Variants in MYEF2 observed in about 807,000 individuals in gnomAD.
The protein encoded by MYEF2 is myelin gene expression factor 2.
Under a neutral mutation model 75.2 loss-of-function variants are expected in MYEF2, and 37 were observed. The observed-to-expected ratio is 0.49, with a 90% CI of 0.38 to 0.65. The LOEUF is 0.65. Ranked by LOEUF, MYEF2 falls within the 30% of genes least tolerant of loss-of-function variation. MYEF2 has a pLI of 0.00. For missense variants in MYEF2, 634 were observed against 771.4 expected (o/e 0.82, Z 2.11); for synonymous variants, 195 against 241.6 (o/e 0.81, Z 1.79).
intron 1 of MYEF2, among the ~76,000 whole-genome samples, chr15:48,175,247 C>T (rs1214755441): frequency 6.6e-6 from 1 of 152,042 alleles, no homozygotes; most frequent in Non-Finnish European, 1.5e-5. Context: ...ATCTCACTTA[C>T]ACACAGACTT....
intron 10 of MYEF2, chr15:48,152,944 G>C (rs1379479457): frequency 6.7e-6 from 1 of 148,582 alleles, no homozygotes; most frequent in African/African-American, 2.6e-5. Context: ...GGTTCAATAG[G>C]TCAAAACTAT....
rs12914102 is a variant in MYEF2 at position 48,135,766 on chromosome 15, G to C, written c.*7142C>G. 2.0e-5 allele frequency: 3 copies of C among 151,858 alleles called. No individual in the cohort carries two copies. The highest frequency in any genetic ancestry group is 4.4e-5 in the Non-Finnish European group (3 of 67,974). The allele number at this position is 151,858 out of a possible 1,614,324, so 9.4% of individuals were successfully genotyped here. A position where few individuals can be genotyped will look rare whatever the true frequency, so the allele number is the denominator to read the frequency against. The stretch of plus-strand genomic sequence containing the variant: ...GAGAACCATAACCTTGCAGCACGGC[G>C]TAATACCTGCTATCAAGAAACTTAA... On this transcript the variant is annotated 3_prime_UTR_variant, in exon 17 of 17. Coordinates refer to ENST00000324324, the MANE Select transcript of MYEF2 (RefSeq NM_016132.5).
At chr15:48,159,900 G>A in intron 5 of MYEF2, 96 bp from the exon 6 acceptor site, 1 of 1,276,680 alleles carries the variant, frequency 7.8e-7, no homozygotes, top group South Asian at 1.4e-5. Context: ...TATCCTGTCT[G>A]GCTCAAATTA....
At chr15:48,152,950 A>C (rs1002625753) in intron 10 of MYEF2, 2 of 152,114 alleles carry the variant, frequency 1.3e-5, no homozygotes, top group Non-Finnish European at 2.9e-5. Flanking sequence ...ATAGGTCAAA[A>C]CTATTTAAGT....
chr15:48,136,734 G>T lies in MYEF2; in HGVS notation c.*6174C>A. 6.2e-7 allele frequency: 1 copy of T among 1,613,466 alleles called. No homozygotes were observed. Among genetic ancestry groups the T allele is most frequent in the South Asian group, 1.1e-5 (1 of 91,006 alleles). ...TATATGGATTGTATGTTTTGGTGCT[G>T]TGTTTTGACATTAAAATTAACCAAT... On this transcript the variant is annotated 3_prime_UTR_variant, in exon 17 of 17. Coordinates refer to ENST00000324324, the MANE Select transcript of MYEF2 (RefSeq NM_016132.5).
At chr15:48,177,964 C>G in intron 1 of MYEF2, 113 bp downstream of exon 1, 1 of 1,371,670 alleles carries the variant, frequency 7.3e-7, no homozygotes, top group Non-Finnish European at 9.8e-7. Context: ...GGCCCGGGGG[C>G]GGGCCGGGGT....
intron 9 of MYEF2, 33 bp downstream of exon 9, chr15:48,157,960 C>G: frequency 5.0e-6 from 8 of 1,611,064 alleles, no homozygotes; most frequent in Non-Finnish European, 6.8e-6. Flanking sequence ...CCAAAAAAAG[C>G]CTATGTTGTT....
At chr15:48,151,069 C>G in intron 14 of MYEF2, 31 bp downstream of exon 14, 1 of 1,499,012 alleles carries the variant, frequency 6.7e-7, no homozygotes, top group Non-Finnish European at 9.2e-7. Flanking sequence ...TCAAATATTA[C>G]TGAATAAATT....
At chr15:48,158,948 C>T in intron 6 of MYEF2, 26 bp from the exon 7 acceptor site, 3 of 1,599,824 alleles carry the variant, frequency 1.9e-6, no homozygotes, top group Non-Finnish European at 2.6e-6. Flanking sequence ...TATAAAGTTA[C>T]ATACCTAATA....
intron 12 of MYEF2, 137 bp downstream of exon 12, chr15:48,151,737 A>T: frequency 8.6e-7 from 1 of 1,169,482 alleles, no homozygotes; most frequent in Non-Finnish European, 1.3e-6. Context: ...CCCATTCCCC[A>T]GGCCTGTCCT....
intron 10 of MYEF2, chr15:48,152,705 G>C (rs548748021): frequency 1.2e-5 from 2 of 160,356 alleles, no homozygotes; most frequent in Non-Finnish European, 2.7e-5. Flanking sequence ...GCAGTTAAAA[G>C]AGCAGTAAAA....
At chr15:48,154,706 C>G (rs2039623076) in intron 9 of MYEF2, among the ~76,000 whole-genome samples, 1 of 152,010 alleles carries the variant, frequency 6.6e-6, no homozygotes, top group Non-Finnish European at 1.5e-5. Flanking sequence ...AGAGAATTTA[C>G]TAATAAAAGA....
At chr15:48,174,127 G>A (rs2040432764) in intron 1 of MYEF2, among the ~76,000 whole-genome samples, 1 of 151,984 alleles carries the variant, frequency 6.6e-6, no homozygotes, top group Non-Finnish European at 1.5e-5. Context: ...ATATGGTACT[G>A]GTACAAAAAC....
rs145677579 is a variant in MYEF2 at position 48,163,049 on chromosome 15, A to G, written c.525+2884T>C. Among the ~76,000 whole-genome samples the G allele has an allele frequency of 3.1e-4, 47 of 152,302 alleles. No homozygotes were observed. The East Asian group carries it at 7.9e-3, about 26-fold the overall frequency. ...TGAGGAAGGCATGTCAAAAGTTCAG[A>G]CAGGTGAAAAGCCGGGCCTCTTGCA... On this transcript the variant is annotated intron_variant, in intron 5 of 16. Transcript: ENST00000324324.
intron 1 of MYEF2, 47 bp downstream of exon 1, chr15:48,178,030 C>G (rs909891126): frequency 1.3e-6 from 2 of 1,554,154 alleles, no homozygotes; most frequent in African/African-American, 2.8e-5. Context: ...GCCCGGTAGA[C>G]TCCCCGCCCC....
At chr15:48,173,888 A>T (rs1410728148) in intron 1 of MYEF2, among the ~76,000 whole-genome samples, 3 of 152,152 alleles carry the variant, frequency 2.0e-5, no homozygotes, top group Non-Finnish European at 2.9e-5. Flanking sequence ...CACAGATGAG[A>T]GGAATTAATA....
chr15:48,156,609 G>C (rs948749424), intron 9 of MYEF2, among the ~76,000 whole-genome samples: 5 of 150,620 alleles, frequency 3.3e-5, no homozygotes, highest in Admixed American at 1.3e-4. Flanking sequence ...CAAATATAAA[G>C]AGAACATATA....
chr15:48,134,882 A>T lies in MYEF2; in HGVS notation c.*8026T>A. The T allele has an allele frequency of 6.3e-7, 1 of 1,599,876 alleles. No homozygotes were observed. Among genetic ancestry groups the T allele is most frequent in the African/African-American group, 1.3e-5 (1 of 74,702 alleles). On this transcript the variant is annotated 3_prime_UTR_variant, in exon 17 of 17. Coordinates refer to ENST00000324324, the MANE Select transcript of MYEF2 (RefSeq NM_016132.5). The stretch of plus-strand genomic sequence containing the variant: ...TGGAAATAATAACTTACCATATTAC[A>T]GGTCTCAACACTATCATGTTGGCCC...
At position 48,134,973 on chromosome 15, in the gene MYEF2, C is replaced by T. The variant is rs755410601; in HGVS notation, c.*7935G>A. ...CAGTTCTTGGTATAATATATGACAA[C>T]CAAGTTTACTGGTAAGCTTGAAAAT... On this transcript the variant is annotated 3_prime_UTR_variant, in exon 17 of 17. Coordinates refer to ENST00000324324, the MANE Select transcript of MYEF2 (RefSeq NM_016132.5). 6.2e-6 allele frequency: 10 copies of T among 1,605,754 alleles called. No homozygotes were observed. In the African/African-American group the frequency reaches 1.1e-4, roughly 17 times the overall value.
Sources: allele counts gnomAD v4.1 joint callset (sites outside exome capture counted in the v4.1 genomes callset), GRCh38; gene constraint gnomAD v4.1.1; transcripts MANE v1.5; gene names NCBI Gene and HGNC (gene_info 2026-07-23, HGNC 2026-07-21).